OPCML: variants seen among roughly 807,000 people sequenced by gnomAD.
The protein encoded by OPCML is opioid binding protein/cell adhesion molecule like.
OPCML carries 13 observed loss-of-function variants against 37.8 expected under a neutral mutation model. The ratio of observed to expected loss-of-function variants is 0.34; its 90% CI spans 0.22 to 0.55. The LOEUF (loss-of-function observed/expected upper bound fraction) is 0.55. OPCML is among the 20% of genes least tolerant of loss of function. The probability of loss-of-function intolerance (pLI) is 0.91; values close to 1 mark genes in which losing one functional copy is unlikely to be tolerated. For synonymous variants in OPCML, 176 were observed against 168.8 expected, an observed-to-expected ratio of 1.04 and a Z score of -0.33; for missense variants, 341 against 435.6, an observed-to-expected ratio of 0.78 and a Z score of 1.93.
chr11:133,056,334 T>A (rs1247679272), intron 1 of OPCML, among the ~76,000 whole-genome samples: 3 of 152,312 alleles, frequency 2.0e-5, no homozygotes, highest in African/African-American at 4.8e-5. Context: ...TACAGAATGA[T>A]TAGCTTCATA....
chr11:133,503,077 T>C (rs1005003187), intron 1 of OPCML, among the ~76,000 whole-genome samples: 2 of 152,204 alleles, frequency 1.3e-5, no homozygotes, highest in African/African-American at 4.8e-5. Flanking sequence ...ATTTGAGGGC[T>C]GGGAATGCAA....
chr11:132,786,025 C>A (rs758728486), intron 2 of OPCML, among the ~76,000 whole-genome samples: 1 of 152,128 alleles, frequency 6.6e-6, no homozygotes, highest in African/African-American at 2.4e-5. Context: ...AATATAAACA[C>A]AGGAAGCAAT....
intron 7 of OPCML, among the ~76,000 whole-genome samples, chr11:132,424,585 G>T (rs1211014941): frequency 6.6e-6 from 1 of 152,166 alleles, no homozygotes; most frequent in Non-Finnish European, 1.5e-5. Context: ...CGCTCCCCCG[G>T]GGTAAGGTCG....
Position 132,997,078 on chromosome 11 carries a change from C to G in OPCML, c.62-54068G>C, listed in dbSNP as rs11824966. 1.6e-3 allele frequency among the ~76,000 whole-genome samples: 241 copies of G among 152,230 alleles called. 1 individual carries two copies. Among genetic ancestry groups the G allele is most frequent in the African/African-American group, 5.5e-3 (227 of 41,534 alleles). On this transcript the variant is annotated intron_variant, in intron 1 of 7. Coordinates refer to ENST00000524381, the MANE Select transcript of OPCML (RefSeq NM_001012393.5). ...TCCTCCGACTGCAGGATTAAAGGAG[C>G]CTTTTACCCCTCTCCTCCTTGACCT...
intron 2 of OPCML, among the ~76,000 whole-genome samples, chr11:132,769,427 A>G (rs1946565980): frequency 6.6e-6 from 1 of 152,106 alleles, no homozygotes; most frequent in South Asian, 2.1e-4. Context: ...CTGGAGCCTC[A>G]GTAAGGGGTC....
chr11:133,266,982 G>A lies in OPCML; in HGVS notation c.61+265282C>T, dbSNP rs151294086. ...AGACTTGCCTGTCAATCTTTGGACA[G>A]ATAAAGATCTTCAAGATACATCTCC... On this transcript the variant is annotated intron_variant, in intron 1 of 7. Transcript: ENST00000524381. 2.0e-5 allele frequency among the ~76,000 whole-genome samples: 3 copies of A among 152,262 alleles called. No homozygotes were observed. In the East Asian group the frequency reaches 5.8e-4, roughly 29 times the overall value.
intron 2 of OPCML, among the ~76,000 whole-genome samples, chr11:132,823,672 T>C (rs1282192282): frequency 6.6e-6 from 1 of 152,144 alleles, no homozygotes; most frequent in Non-Finnish European, 1.5e-5. Context: ...TTTTGTTCTG[T>C]TTCACAGCAA....
rs562400280 is a variant in OPCML at position 132,726,512 on chromosome 11, T to A, written c.147-69193A>T. On this transcript the variant is annotated intron_variant, in intron 2 of 7. Coordinates refer to ENST00000524381, the MANE Select transcript of OPCML (RefSeq NM_001012393.5). Reference sequence around the variant, plus strand: ...ACACAGCCAAACCATATCAACATTTTTTTTTTTTAAAGAAAACCTCATAAT... The same window carrying A: ...ACACAGCCAAACCATATCAACATTTATTTTTTTTAAAGAAAACCTCATAAT... Among the ~76,000 whole-genome samples, 1,372 of 149,110 alleles carry A rather than the reference T, an allele frequency of 9.2e-3. 16 individuals are homozygous for A. The highest frequency in any genetic ancestry group is 0.032 in the African/African-American group (1,310 of 41,252).
chr11:133,385,638 A>T (rs1367795308), intron 1 of OPCML, among the ~76,000 whole-genome samples: 1 of 151,892 alleles, frequency 6.6e-6, no homozygotes, highest in Non-Finnish European at 1.5e-5. Flanking sequence ...AGACAATGCC[A>T]TCTGACTGAT....
intron 1 of OPCML, among the ~76,000 whole-genome samples, chr11:133,286,078 A>G (rs1942287443): frequency 6.6e-6 from 1 of 152,196 alleles, no homozygotes; most frequent in African/African-American, 2.4e-5. Flanking sequence ...AAGGGCAGGT[A>G]GACTTGGATA....
intron 1 of OPCML, among the ~76,000 whole-genome samples, chr11:133,515,621 A>T (rs548081323): frequency 1.5e-4 from 23 of 152,258 alleles, no homozygotes; most frequent in African/African-American, 4.6e-4. Flanking sequence ...AACAGTGACT[A>T]CGCCCCAGAT....
At chr11:132,821,213 T>A (rs1225584747) in intron 2 of OPCML, among the ~76,000 whole-genome samples, 1 of 152,260 alleles carries the variant, frequency 6.6e-6, no homozygotes, top group Non-Finnish European at 1.5e-5. Context: ...GAGATTCTCC[T>A]GCTAGCTGAG....
At chr11:132,469,766 GTGTA>G (rs1289445629) in intron 4 of OPCML, among the ~76,000 whole-genome samples, 2 of 51,476 alleles carry the variant, frequency 3.9e-5, no homozygotes, top group African/African-American at 8.8e-5. Context: ...GTGAGTGTGT[GTGTA>G]TGTGTGGAGG....
At chr11:133,090,245 T>A (rs1345773520) in intron 1 of OPCML, among the ~76,000 whole-genome samples, 2 of 152,142 alleles carry the variant, frequency 1.3e-5, no homozygotes, top group Non-Finnish European at 2.9e-5. Flanking sequence ...TCTGCTTGTC[T>A]CTGTTATATT....
chr11:132,969,534 C>A (rs1405973011), intron 1 of OPCML, among the ~76,000 whole-genome samples: 1 of 152,140 alleles, frequency 6.6e-6, no homozygotes, highest in Non-Finnish European at 1.5e-5. Context: ...TGGGACCCCC[C>A]CTGCAACTGT....
chr11:132,666,874 T>A (rs1942250133), intron 2 of OPCML, among the ~76,000 whole-genome samples: 1 of 152,228 alleles, frequency 6.6e-6, no homozygotes, highest in Non-Finnish European at 1.5e-5. Flanking sequence ...ACTATAGGCC[T>A]GTATTTTATG....
At chr11:133,399,326 C>T (rs1329299426) in intron 1 of OPCML, among the ~76,000 whole-genome samples, 1 of 152,144 alleles carries the variant, frequency 6.6e-6, no homozygotes. Flanking sequence ...CTCAGCACTG[C>T]TCTTTACTAA....
chr11:132,627,421 T>C (rs1432338710), intron 3 of OPCML, among the ~76,000 whole-genome samples: 4 of 152,260 alleles, frequency 2.6e-5, no homozygotes, highest in South Asian at 4.1e-4. Flanking sequence ...ATTTTCTATA[T>C]ATAGCACAAT....
chr11:133,232,090 T>A (rs1202997265), intron 1 of OPCML, among the ~76,000 whole-genome samples: 1 of 152,190 alleles, frequency 6.6e-6, no homozygotes, highest in Non-Finnish European at 1.5e-5. Context: ...AACTCTGAAC[T>A]TTTAGTTGCC....
Sources: gnomAD v4.1 joint callset for allele counts (sites outside exome capture counted in the v4.1 genomes callset) on GRCh38, gnomAD v4.1.1 for gene constraint, MANE v1.5 for transcripts, NCBI Gene and HGNC (gene_info 2026-07-23, HGNC 2026-07-21) for gene names.